The following MYO1D variants were observed in gnomAD, a reference collection of about 807,000 sequenced individuals.
MYO1D encodes unconventional myosin-Id.
In MYO1D, 83 loss-of-function variants were observed where a neutral mutation model predicts 122.0. The ratio of observed to expected loss-of-function variants is 0.68; its 90% CI spans 0.57 to 0.82. The LOEUF (loss-of-function observed/expected upper bound fraction) is 0.82, where lower values mean the gene tolerates loss of function less well. Among genes scored for constraint, MYO1D ranks in the 40% least tolerant of loss-of-function variants. The probability of loss-of-function intolerance (pLI) is 0.00; values close to 1 mark genes in which losing one functional copy is unlikely to be tolerated. For synonymous variants in MYO1D, 464 were observed against 446.9 expected (o/e 1.04, Z -0.48); for missense variants, 1,157 against 1,269.5 (o/e 0.91, Z 1.35).
intron 21 of MYO1D, among the ~76,000 whole-genome samples, chr17:32,520,739 T>A (rs1910105615): frequency 6.6e-6 from 1 of 152,212 alleles, no homozygotes; most frequent in Non-Finnish European, 1.5e-5. Context: ...CTAAGAGTCA[T>A]ATGTGTTCTT....
At chr17:32,859,879 T>C (rs1322795464) in intron 1 of MYO1D, among the ~76,000 whole-genome samples, 1 of 152,202 alleles carries the variant, frequency 6.6e-6, no homozygotes, top group African/African-American at 2.4e-5. Context: ...AGCCTGACTT[T>C]GTTCAGGTAT....
chr17:32,575,112 CA>C (rs2087266876), intron 21 of MYO1D, among the ~76,000 whole-genome samples: 1 of 152,138 alleles, frequency 6.6e-6, no homozygotes. Context: ...AAACCTAAAG[CA>C]CTAATTTTGA....
At chr17:32,862,771 T>C (rs907086675) in intron 1 of MYO1D, 3 of 152,254 alleles carry the variant, frequency 2.0e-5, no homozygotes, top group Admixed American at 2.0e-4. Flanking sequence ...GGATAAGTTG[T>C]AATACATTTG....
intron 21 of MYO1D, among the ~76,000 whole-genome samples, chr17:32,554,327 C>G (rs184615988): frequency 6.6e-6 from 1 of 152,154 alleles, no homozygotes; most frequent in Non-Finnish European, 1.5e-5. Context: ...ACTGCCATGG[C>G]CAGATCCCTC....
chr17:32,859,571 A>G (rs1326206604), intron 1 of MYO1D, among the ~76,000 whole-genome samples: 1 of 152,244 alleles, frequency 6.6e-6, no homozygotes, highest in Non-Finnish European at 1.5e-5. Flanking sequence ...AAAGGAGCAG[A>G]AAGATAAATC....
At chr17:32,777,803 C>T (rs996868133) in intron 3 of MYO1D, among the ~76,000 whole-genome samples, 3 of 151,906 alleles carry the variant, frequency 2.0e-5, no homozygotes, top group Non-Finnish European at 4.4e-5. Flanking sequence ...GCGCAGTGGC[C>T]GGTGCCTGTA....
chr17:32,554,151 T>C (rs1439955093), intron 21 of MYO1D, among the ~76,000 whole-genome samples: 1 of 152,178 alleles, frequency 6.6e-6, no homozygotes, highest in Non-Finnish European at 1.5e-5. Context: ...TTCTTTCCTT[T>C]AAAACTCCAC....
chr17:32,605,974 C>G (rs1267084963), intron 20 of MYO1D, among the ~76,000 whole-genome samples: 3 of 151,582 alleles, frequency 2.0e-5, no homozygotes, highest in Non-Finnish European at 4.4e-5. Context: ...GAGGCGTGCG[C>G]CTGTAGTCCC....
intron 11 of MYO1D, among the ~76,000 whole-genome samples, chr17:32,755,069 G>A (rs568690495): frequency 6.6e-6 from 1 of 152,300 alleles, no homozygotes; most frequent in East Asian, 1.9e-4. Context: ...AAGTACAGCA[G>A]AGTGCACAAC....
At chr17:32,644,485 C>T (rs1020639707) in intron 19 of MYO1D, among the ~76,000 whole-genome samples, 3 of 152,082 alleles carry the variant, frequency 2.0e-5, no homozygotes, top group East Asian at 1.9e-4. Context: ...CTTTCTGTCT[C>T]GTTGATCTGT....
intron 16 of MYO1D, among the ~76,000 whole-genome samples, chr17:32,695,098 C>A (rs1304501143): frequency 6.6e-6 from 1 of 152,140 alleles, no homozygotes; most frequent in African/African-American, 2.4e-5. Flanking sequence ...TGGTCTTGAA[C>A]CTTTTTGACA....
At chr17:32,622,050 A>C (rs987764557) in intron 20 of MYO1D, among the ~76,000 whole-genome samples, 2 of 152,160 alleles carry the variant, frequency 1.3e-5, no homozygotes, top group Admixed American at 6.5e-5. Context: ...CCCCATGCTA[A>C]GACAGTCTCC....
At chr17:32,845,748 C>T (rs946133296) in intron 1 of MYO1D, among the ~76,000 whole-genome samples, 3 of 152,134 alleles carry the variant, frequency 2.0e-5, no homozygotes, top group South Asian at 4.1e-4. Flanking sequence ...ACAGGTGGCT[C>T]GTGGCTACTG....
intron 21 of MYO1D, among the ~76,000 whole-genome samples, chr17:32,528,233 G>A (rs1303665525): frequency 6.6e-6 from 1 of 152,216 alleles, no homozygotes; most frequent in Non-Finnish European, 1.5e-5. Flanking sequence ...TTTTGGGGAA[G>A]AAGGTATCCA....
At chr17:32,707,142 CATA>C (rs1195614135) in intron 16 of MYO1D, among the ~76,000 whole-genome samples, 2 of 152,142 alleles carry the variant, frequency 1.3e-5, no homozygotes, top group African/African-American at 2.4e-5. Context: ...AACTGTAATA[CATA>C]ATATTAATGC....
At chr17:32,673,090 CTTTTTTTTTTTTT>C (rs60912187) in intron 16 of MYO1D, among the ~76,000 whole-genome samples, 427 of 28,594 alleles carry the variant, frequency 0.015, 5 homozygotes, top group Non-Finnish European at 0.024. Context: ...AAACATGCTA[CTTTTTTTTTTTTT>C]TTTTTTTTTT....
chr17:32,698,908 G>A (rs2089209031), intron 16 of MYO1D, among the ~76,000 whole-genome samples: 1 of 152,056 alleles, frequency 6.6e-6, no homozygotes, highest in Admixed American at 6.6e-5. Context: ...ATATGAAATT[G>A]TTAATTTAGA....
intron 1 of MYO1D, among the ~76,000 whole-genome samples, chr17:32,789,594 C>A (rs2090330486): frequency 6.6e-6 from 1 of 152,172 alleles, no homozygotes; most frequent in Non-Finnish European, 1.5e-5. Flanking sequence ...CCCCTAGTAT[C>A]TGTGGATGTA....
At chr17:32,721,945 G>T (rs919856670) in intron 14 of MYO1D, among the ~76,000 whole-genome samples, 1 of 152,174 alleles carries the variant, frequency 6.6e-6, no homozygotes. Context: ...CAAGTGTAAA[G>T]AATTTCTTTT....
Sources: gnomAD v4.1 joint callset for allele counts (sites outside exome capture counted in the v4.1 genomes callset) on GRCh38, gnomAD v4.1.1 for gene constraint, MANE v1.5 for transcripts, NCBI Gene and HGNC (gene_info 2026-07-23, HGNC 2026-07-21) for gene names.